Variants in FBN2 observed in about 807,000 individuals in gnomAD.
FBN2 encodes the protein fibrillin 2, also known as fibrillin-2.
FBN2 carries 105 observed loss-of-function variants against 355.6 expected under a neutral mutation model. That is an observed-to-expected ratio of 0.30 (90% CI 0.25 to 0.35). FBN2 has a LOEUF of 0.35. Among genes scored for constraint, FBN2 ranks in the 10% least tolerant of loss-of-function variants. FBN2 has a pLI of 1.00. For synonymous variants in FBN2, 1,350 were observed against 1,301.2 expected (o/e 1.04, Z -0.81); for missense variants, 3,280 against 3,758.7 (o/e 0.87, Z 3.33).
intron 53 of FBN2, 130 bp from the exon 54 acceptor site, chr5:128,287,560 G>GCGTAC: frequency 3.3e-6 from 3 of 911,446 alleles, no homozygotes; most frequent in Non-Finnish European, 5.2e-6. Flanking sequence ...CATCTGGTAC[G>GCGTAC]CAGAATTTAG....
chr5:128,381,212 C>T (rs1290257293), intron 11 of FBN2, among the ~76,000 whole-genome samples: 1 of 151,938 alleles, frequency 6.6e-6, no homozygotes, highest in African/African-American at 2.4e-5. Context: ...AGGAGAGTTA[C>T]AAATTTTAAT....
intron 5 of FBN2, among the ~76,000 whole-genome samples, chr5:128,508,470 C>T (rs755743378): frequency 6.6e-6 from 1 of 151,920 alleles, no homozygotes; most frequent in Non-Finnish European, 1.5e-5. Context: ...TTATCAATGT[C>T]TATCTTCAAG....
intron 32 of FBN2, among the ~76,000 whole-genome samples, chr5:128,331,465 T>G (rs1218090928): frequency 6.6e-6 from 1 of 152,116 alleles, no homozygotes; most frequent in African/African-American, 2.4e-5. Context: ...CAGAGGGTGA[T>G]GGACAATGAA....
chr5:128,521,115 C>A (rs1022413679), intron 4 of FBN2, among the ~76,000 whole-genome samples: 2 of 152,166 alleles, frequency 1.3e-5, no homozygotes, highest in South Asian at 4.1e-4. Flanking sequence ...TGGAATCAAC[C>A]CAAATGCCCA....
In FBN2 at chr5:128,330,672, T is replaced by C. The variant is rs200837433; in HGVS notation, c.4246A>G (p.Thr1416Ala). Residue 1416 changes from threonine to alanine, a missense_variant, in exon 33 of 65, where the codon ACC (threonine) becomes GCC (alanine). Around this residue, in one of 6 missense-constraint regions of FBN2, gnomAD observed 2,284 missense variants for 2,749.5 expected, o/e 0.83. Coordinates refer to ENST00000262464, the MANE Select transcript of FBN2 (RefSeq NM_001999.4). ...TGAGCATTGATGCTACACTGGTGGG[T>C]TCCATTAGAACATTCGTCCAGATCT... Reference protein sequence around the residue: ...CIDLDECSNGTHQCSINAQCV... With the variant: ...CIDLDECSNGAHQCSINAQCV... 5.0e-4 allele frequency: 802 copies of C among 1,613,838 alleles called. No homozygotes were observed. The highest frequency in any genetic ancestry group is 5.3e-4 in the Admixed American group (32 of 59,986).
intron 55 of FBN2, among the ~76,000 whole-genome samples, chr5:128,280,867 C>T (rs1403970753): frequency 6.6e-6 from 1 of 152,116 alleles, no homozygotes; most frequent in Non-Finnish European, 1.5e-5. Context: ...GATAAATAAA[C>T]CTACTTCAAC....
At chr5:128,532,783 T>G (rs905559563) in intron 2 of FBN2, among the ~76,000 whole-genome samples, 2 of 152,240 alleles carry the variant, frequency 1.3e-5, no homozygotes, top group African/African-American at 2.4e-5. Flanking sequence ...TGGTGGCTCA[T>G]GTCTGTAATC....
chr5:128,332,424 A>AT (rs893656426), intron 32 of FBN2, among the ~76,000 whole-genome samples: 2 of 152,032 alleles, frequency 1.3e-5, no homozygotes, highest in East Asian at 1.9e-4. Context: ...GAATTTGCCT[A>AT]TTTTTTTTCT....
At chr5:128,302,303 T>C (rs1749740987) in intron 46 of FBN2, among the ~76,000 whole-genome samples, 1 of 152,230 alleles carries the variant, frequency 6.6e-6, no homozygotes, top group Admixed American at 6.5e-5. Flanking sequence ...ATGCAGTTCC[T>C]GGCATGCAGT....
chr5:128,266,949 ATCT>A (rs1765130252), intron 62 of FBN2, among the ~76,000 whole-genome samples: 1 of 151,900 alleles, frequency 6.6e-6, no homozygotes, highest in Admixed American at 6.6e-5. Context: ...CTACTGACTC[ATCT>A]TCTAGGTTAC....
chr5:128,456,400 T>A (rs1215144224), intron 6 of FBN2, among the ~76,000 whole-genome samples: 3 of 152,052 alleles, frequency 2.0e-5, no homozygotes, highest in African/African-American at 7.2e-5. Context: ...CCCGGCCGAG[T>A]GGGTTTCCCC....
At chr5:128,456,023 A>AAAAAAACAAAAAAAAAAAAAAAAAAGC (rs1554070903) in intron 6 of FBN2, among the ~76,000 whole-genome samples, 1 of 145,782 alleles carries the variant, frequency 6.9e-6, no homozygotes, top group Non-Finnish European at 1.5e-5. Context: ...AAAAAAAAAA[A>AAAAAAACAAAAAAAAAAAAAAAAAAGC]GCAACTGCTG....
chr5:128,279,469 A>G (rs1224703944), intron 56 of FBN2, among the ~76,000 whole-genome samples: 1 of 152,188 alleles, frequency 6.6e-6, no homozygotes, highest in African/African-American at 2.4e-5. Flanking sequence ...GTTAGTTAGT[A>G]AAGGTATAGA....
At chr5:128,488,637 G>A (rs983531507) in intron 5 of FBN2, among the ~76,000 whole-genome samples, 19 of 151,730 alleles carry the variant, frequency 1.3e-4, no homozygotes, top group Admixed American at 1.2e-3. Flanking sequence ...ATCTCCTAAT[G>A]CTATCCCTCC....
At chr5:128,492,824 A>C (rs886750045) in intron 5 of FBN2, among the ~76,000 whole-genome samples, 1 of 151,282 alleles carries the variant, frequency 6.6e-6, no homozygotes, top group African/African-American at 2.4e-5. Context: ...AAAAAAAAAA[A>C]AAAAAGGGAA....
At chr5:128,384,846 T>C (rs1752325297) in intron 11 of FBN2, among the ~76,000 whole-genome samples, 3 of 152,188 alleles carry the variant, frequency 2.0e-5, no homozygotes, top group South Asian at 2.1e-4. Context: ...TTGACTAGTA[T>C]GTGCAAACAT....
In FBN2 at chr5:128,313,130, A is replaced by G. The variant is rs538448116; in HGVS notation, c.4718-335T>C. 3.3e-5 allele frequency among the ~76,000 whole-genome samples: 5 copies of G among 152,322 alleles called. No individual in the cohort carries two copies. In the South Asian group the frequency reaches 1.0e-3, roughly 32 times the overall value. ...AATACATTTTTTGTATAATTAATCT[A>G]TATCACGAGTTTATCCAATGGTTTA... On this transcript the variant is annotated intron_variant, in intron 36 of 64. Transcript: ENST00000262464.
Position 128,362,840 on chromosome 5 carries a change from G to C in FBN2, c.2429-992C>G, listed in dbSNP as rs76547185. On this transcript the variant is annotated intron_variant, in intron 18 of 64. Coordinates refer to ENST00000262464, the MANE Select transcript of FBN2 (RefSeq NM_001999.4). ...AAAAAGAAATAAACCCTGTAGTTTA[G>C]AGTGAAGAGCTCTTTCACTTAAAGT... 7.1e-3 allele frequency among the ~76,000 whole-genome samples: 1,081 copies of C among 152,218 alleles called. 22 individuals carry two copies. Among genetic ancestry groups the C allele is most frequent in the African/African-American group, 0.025 (1,019 of 41,502 alleles).
chr5:128,309,192 T>C, intron 41 of FBN2, 55 bp downstream of exon 41: 1 of 1,578,960 alleles, frequency 6.3e-7, no homozygotes, highest in Non-Finnish European at 8.7e-7. Flanking sequence ...TACTGTTAGA[T>C]ATATGCGTGT....
Sources: gnomAD v4.1 joint callset for allele counts (sites outside exome capture counted in the v4.1 genomes callset) on GRCh38, gnomAD v4.1.1 for gene constraint, gnomAD v4.1.1 regional missense constraint, MANE v1.5 for transcripts, NCBI Gene and HGNC (gene_info 2026-07-23, HGNC 2026-07-21) for gene names.